MEGF6: variants seen among roughly 807,000 people sequenced by gnomAD.
MEGF6 encodes the protein multiple epidermal growth factor-like domains protein 6.
In MEGF6, 184 loss-of-function variants were observed where a neutral mutation model predicts 207.1. The ratio of observed to expected loss-of-function variants is 0.89; its 90% CI spans 0.79 to 1.00. The LOEUF is 1.00. Among genes scored for constraint, MEGF6 ranks in the 50% least tolerant of loss-of-function variants. The pLI, the probability that MEGF6 is intolerant of heterozygous loss-of-function variation, is 0.00. For synonymous variants in MEGF6, 1,038 were observed against 910.0 expected (o/e 1.14, Z -2.53); for missense variants, 2,282 against 2,202.9 (o/e 1.04, Z -0.72).
At chr1:3,491,572 A>C (rs978233176) in intron 35 of MEGF6, among the ~76,000 whole-genome samples, 4 of 152,014 alleles carry the variant, frequency 2.6e-5, no homozygotes, top group Admixed American at 6.5e-5. Flanking sequence ...ACACATACAC[A>C]AAGTCAAGAC....
chr1:3,547,830 C>T (rs552216426), intron 4 of MEGF6, among the ~76,000 whole-genome samples: 5 of 152,168 alleles, frequency 3.3e-5, no homozygotes, highest in South Asian at 2.1e-4. Context: ...GGACTTCCCC[C>T]GGGACTTGGT....
intron 4 of MEGF6, chr1:3,531,407 G>T (rs1642166239): frequency 8.7e-7 from 1 of 1,145,136 alleles, no homozygotes; most frequent in African/African-American, 1.6e-5. Context: ...CCCGGGAGCC[G>T]CTCTGGGCCG....
rs150838919 is a variant in MEGF6, at chr1:3,557,869, G to C, written c.481+21956C>G. ...AATCTATGAGGCGCCGTCCGGGTGG[G>C]CACAGCAGTCAAGAGGGCTGGGTGT... On this transcript the variant is annotated intron_variant, in intron 4 of 36. Transcript: ENST00000356575. Among the ~76,000 whole-genome samples the C allele has an allele frequency of 7.9e-5, 12 of 152,330 alleles. No homozygotes were observed. In the East Asian group the frequency reaches 2.1e-3, roughly 27 times the overall value.
chr1:3,518,575 G>A (rs943997062), intron 5 of MEGF6, among the ~76,000 whole-genome samples: 4 of 152,238 alleles, frequency 2.6e-5, no homozygotes, highest in Non-Finnish European at 4.4e-5. Context: ...GGGCTGCGCC[G>A]AGGCAGGGGC....
intron 14 of MEGF6, among the ~76,000 whole-genome samples, chr1:3,506,726 G>A (rs1641133193): frequency 6.6e-6 from 1 of 152,188 alleles, no homozygotes; most frequent in African/African-American, 2.4e-5. Flanking sequence ...TCCTCCTACT[G>A]AAGGCGGTAG....
In MEGF6 at chr1:3,500,645, G is replaced by T. The variant is rs761171151; in HGVS notation, c.2695C>A (p.Arg899=). The T allele has an allele frequency of 1.3e-6, 2 of 1,559,904 alleles. No individual in the cohort carries two copies. Among genetic ancestry groups the T allele is most frequent in the East Asian group, 2.4e-5 (1 of 41,544 alleles). The part of the protein sequence containing the change: ...CLCEAGYVGP[R]CEQQCPQGHF... ...GGCCGGGACTCACGCTGCTCGCACC[G>T]CGGGCCCACGTAGCCAGCCTCACAC... Residue 899 remains arginine, a synonymous_variant, in exon 21 of 37, where the codon CGG becomes AGG. Coordinates refer to ENST00000356575, the MANE Select transcript of MEGF6 (RefSeq NM_001409.4).
At chr1:3,604,158 G>C (rs1182945286) in intron 1 of MEGF6, among the ~76,000 whole-genome samples, 1 of 152,200 alleles carries the variant, frequency 6.6e-6, no homozygotes, top group East Asian at 1.9e-4. Flanking sequence ...CTCCAGTCAA[G>C]TCCGAGAGGG....
chr1:3,493,492 AC>A, intron 34 of MEGF6: 1 of 517,292 alleles, frequency 1.9e-6, no homozygotes, highest in Admixed American at 3.6e-5. Context: ...AAGTCTTTCC[AC>A]CCAACCAGAG....
In MEGF6 at chr1:3,490,913, T is replaced by C. The variant is rs752556317; in HGVS notation, c.4563A>G (p.Ser1521=). 3 of 1,592,776 alleles carry C rather than the reference T, an allele frequency of 1.9e-6. No homozygotes were observed. Among genetic ancestry groups the C allele is most frequent in the Admixed American group, 1.7e-5 (1 of 57,646 alleles). ...LPENPSLAQG[S]AGTLPASSRP... is the part of the protein sequence containing the mutation. The stretch of plus-strand genomic sequence containing the variant: ...ACGGGCATTCCCCACACCCCTTACC[T>C]GAGCCCTGGGCTAAGGACGGGTTCT... The change falls in exon 36 of 37, where the codon TCA becomes TCG. Residue 1521 remains serine, a splice_region_variant and synonymous_variant. Transcript: ENST00000356575.
rs1641467986 is a variant in MEGF6, at chr1:3,514,540, G to A, written c.853+10C>T. 2 of 1,587,262 alleles carry A rather than the reference G, an allele frequency of 1.3e-6. No homozygotes were observed. The highest frequency in any genetic ancestry group is 8.5e-7 in the Non-Finnish European group (1 of 1,170,548). ...CCTGGGCGGGGCGGAGCAGGGGAGG[G>A]GCGTCCTACCTTCACAGGCCTTGCC... On this transcript the variant is annotated intron_variant, in intron 7 of 36. Transcript: ENST00000356575.
intron 5 of MEGF6, among the ~76,000 whole-genome samples, chr1:3,517,609 A>C (rs1053296945): frequency 5.9e-5 from 9 of 152,210 alleles, no homozygotes; most frequent in Non-Finnish European, 1.2e-4. Context: ...CAGCACTGCT[A>C]GGGATGTGTC....
In MEGF6 at chr1:3,560,831, C is replaced by T. The variant is rs1318984449; in HGVS notation, c.481+18994G>A. The T allele has an allele frequency of 6.6e-6, 3 of 453,460 alleles. No individual in the cohort carries two copies. The highest frequency in any genetic ancestry group is 1.6e-5 in the South Asian group (1 of 63,138). The allele number at this position is 453,460 out of a possible 1,614,324, so 28.1% of individuals were successfully genotyped here. ...AGCAGCCAGGAACAGCCTCAGGCGT[C>T]GGCCGCGAGGGGGTTGCTGGGCTGG... On this transcript the variant is annotated intron_variant, in intron 4 of 36. Coordinates refer to ENST00000356575, the MANE Select transcript of MEGF6 (RefSeq NM_001409.4). This position sits in a 1 kb window ranked among gnomAD's most constrained non-coding sequence, Gnocchi z 4.0.
chr1:3,556,628 A>G lies in MEGF6; in HGVS notation c.481+23197T>C, dbSNP rs115372619. ...CCCGGTGACTGCCTGAGGCCGGGAC[A>G]CACTGGAGACGAATAGGACTGACCA... is the stretch of plus-strand genomic sequence containing the variant. On this transcript the variant is annotated intron_variant, in intron 4 of 36. Coordinates refer to ENST00000356575, the MANE Select transcript of MEGF6 (RefSeq NM_001409.4). The surrounding 1 kb of genome is among the most constrained non-coding windows in gnomAD (Gnocchi z 4.4). Among the ~76,000 whole-genome samples, 3,079 of 152,228 alleles carry G rather than the reference A, an allele frequency of 0.02. 106 individuals carry two copies. The highest frequency in any genetic ancestry group is 0.07 in the African/African-American group (2,910 of 41,536).
intron 2 of MEGF6, 104 bp from the exon 3 acceptor site, chr1:3,595,551 G>A (rs115292644): frequency 0.016 from 14,989 of 946,098 alleles, 176 homozygotes; most frequent in Non-Finnish European, 0.021. Context: ...CCGGGTTCCC[G>A]GCGGCACAGG....
At chr1:3,492,811 T>C (rs1431936821) in intron 34 of MEGF6, 44 bp from the exon 35 acceptor site, 1 of 1,587,936 alleles carries the variant, frequency 6.3e-7, no homozygotes, top group East Asian at 2.3e-5. Flanking sequence ...GCATCATCCT[T>C]GCCTTCCCCG....
intron 8 of MEGF6, 49 bp downstream of exon 8, chr1:3,511,957 A>G: frequency 3.7e-6 from 6 of 1,610,430 alleles, no homozygotes; most frequent in Non-Finnish European, 1.7e-6. Context: ...CCTGGGGAGC[A>G]GCATGGCCAT....
At chr1:3,568,126 C>T (rs1178840504) in intron 4 of MEGF6, among the ~76,000 whole-genome samples, 1 of 152,198 alleles carries the variant, frequency 6.6e-6, no homozygotes, top group Non-Finnish European at 1.5e-5. Flanking sequence ...ACAGCTCAGC[C>T]ACAGGCTGCA....
rs775795654 is a variant in MEGF6 at position 3,505,162 on chromosome 1, C to T, written c.2188+46G>A. ...ACCCTCCAGCCAGGCAGGCAGCCTA[C>T]ACCCCACAATGAGACTGCCGGGAGC... is the stretch of plus-strand genomic sequence containing the variant. On this transcript the variant is annotated intron_variant, in intron 17 of 36. Coordinates refer to ENST00000356575, the MANE Select transcript of MEGF6 (RefSeq NM_001409.4). 6 of 1,599,748 alleles carry T rather than the reference C, an allele frequency of 3.8e-6. No homozygotes were observed. The East Asian group carries it at 1.3e-4, about 36-fold the overall frequency.
At chr1:3,493,724 A>G (rs760551245) in intron 34 of MEGF6, 47 bp downstream of exon 34, 1 of 1,595,742 alleles carries the variant, frequency 6.3e-7, no homozygotes. Flanking sequence ...TTGGTCACTG[A>G]TGGAGACCCA....
Sources: allele counts gnomAD v4.1 joint callset (sites outside exome capture counted in the v4.1 genomes callset), GRCh38; gene constraint gnomAD v4.1.1; non-coding constraint Gnocchi (gnomAD v3.1); transcripts MANE v1.5; gene names NCBI Gene and HGNC (gene_info 2026-07-23, HGNC 2026-07-21).